LPCAT2: variants seen among roughly 807,000 people sequenced by gnomAD.
LPCAT2 encodes the protein 1-AGP acyltransferase 11.
LPCAT2 carries 58 observed loss-of-function variants against 64.7 expected under a neutral mutation model. That is an observed-to-expected ratio of 0.90 (90% CI 0.73 to 1.12). LPCAT2 has a LOEUF of 1.12. LPCAT2 is among the 50% of genes most tolerant of loss of function. The pLI, the probability that LPCAT2 is intolerant of heterozygous loss-of-function variation, is 0.00. For missense variants in LPCAT2, 579 were observed against 669.8 expected, an observed-to-expected ratio of 0.86 and a Z score of 1.50; for synonymous variants, 252 against 245.3, an observed-to-expected ratio of 1.03 and a Z score of -0.26.
chr16:55,537,733 G>C (rs1184650251), intron 8 of LPCAT2, 101 bp downstream of exon 8: 1 of 937,556 alleles, frequency 1.1e-6, no homozygotes, highest in Non-Finnish European at 1.7e-6. Flanking sequence ...CCATCACCAG[G>C]TGTTTTACAA....
At chr16:55,531,835 T>G (rs9930245) in intron 4 of LPCAT2, 79 bp from the exon 5 acceptor site, 57,395 of 899,022 alleles carry the variant, frequency 0.064, 2,602 homozygotes, top group African/African-American at 0.17. Flanking sequence ...GGCAGCTGTT[T>G]GTGAAGTCAT....
intron 1 of LPCAT2, among the ~76,000 whole-genome samples, chr16:55,513,164 C>G (rs1173394067): frequency 2.0e-5 from 3 of 152,106 alleles, no homozygotes; most frequent in African/African-American, 4.8e-5. Flanking sequence ...AAATGTAGGA[C>G]TTCGCAGAAA....
chr16:55,535,508 A>G (rs1260042419), intron 7 of LPCAT2, among the ~76,000 whole-genome samples: 1 of 152,200 alleles, frequency 6.6e-6, no homozygotes. Context: ...AAGATACACA[A>G]ATAACGCCAA....
At chr16:55,537,487 G>T in intron 7 of LPCAT2, 91 bp from the exon 8 acceptor site, 2 of 960,078 alleles carry the variant, frequency 2.1e-6, no homozygotes, top group East Asian at 2.5e-5. Flanking sequence ...TGTGATGTGA[G>T]GGTATTTGTG....
chr16:55,534,539 A>T, intron 7 of LPCAT2, 62 bp downstream of exon 7: 3 of 773,712 alleles, frequency 3.9e-6, no homozygotes, highest in Non-Finnish European at 6.2e-6. Context: ...AAAAAGAAAG[A>T]TCATTTATTC....
At chr16:55,516,136 A>G (rs1963007733) in intron 1 of LPCAT2, among the ~76,000 whole-genome samples, 1 of 152,126 alleles carries the variant, frequency 6.6e-6, no homozygotes, top group African/African-American at 2.4e-5. Context: ...GCAGGGTCTC[A>G]CTCTGTCGCC....
intron 11 of LPCAT2, among the ~76,000 whole-genome samples, chr16:55,573,584 G>T (rs1963793836): frequency 6.6e-6 from 1 of 151,990 alleles, no homozygotes; most frequent in Admixed American, 6.6e-5. Context: ...TAGCTTTGTT[G>T]TTACTAGTTC....
chr16:55,515,795 T>G (rs1452925055), intron 1 of LPCAT2, among the ~76,000 whole-genome samples: 1 of 152,196 alleles, frequency 6.6e-6, no homozygotes, highest in Non-Finnish European at 1.5e-5. Context: ...CAGAAAATTA[T>G]TATAAGTTAA....
At chr16:55,509,546 G>A (rs1962894659) in intron 1 of LPCAT2, among the ~76,000 whole-genome samples, 194 bp downstream of exon 1, 1 of 151,420 alleles carries the variant, frequency 6.6e-6, no homozygotes, top group South Asian at 2.1e-4. Flanking sequence ...TGAGGAGGGA[G>A]GTGGCCCGAG....
At chr16:55,510,836 T>C (rs1349656640) in intron 1 of LPCAT2, among the ~76,000 whole-genome samples, 1 of 152,228 alleles carries the variant, frequency 6.6e-6, no homozygotes, top group African/African-American at 2.4e-5. Flanking sequence ...TAAATCATAC[T>C]TAAATGAAAA....
At chr16:55,532,482 T>G (rs1963267020) in intron 5 of LPCAT2, 1 of 165,370 alleles carries the variant, frequency 6.0e-6, no homozygotes, top group Non-Finnish European at 1.3e-5. Context: ...GTAGCTTTTC[T>G]TCTTATTTTT....
intron 2 of LPCAT2, among the ~76,000 whole-genome samples, 179 bp from the exon 3 acceptor site, chr16:55,528,198 A>G (rs1238228050): frequency 6.6e-6 from 1 of 152,254 alleles, no homozygotes; most frequent in African/African-American, 2.4e-5. Flanking sequence ...AGCATTTAGA[A>G]TAGTGCCTAG....
chr16:55,539,285 A>G (rs1231100559), intron 8 of LPCAT2: 1 of 100,650 alleles, frequency 9.9e-6, no homozygotes, highest in Admixed American at 1.1e-4. Flanking sequence ...TAATTACGAT[A>G]TTTGCATTCT....
intron 13 of LPCAT2, among the ~76,000 whole-genome samples, chr16:55,582,115 A>G (rs1221589712): frequency 1.3e-5 from 2 of 152,208 alleles, no homozygotes; most frequent in East Asian, 3.8e-4. Context: ...GCTAGAAAGA[A>G]CAAAAATACA....
At chr16:55,561,122 G>T (rs772779679) in intron 11 of LPCAT2, among the ~76,000 whole-genome samples, 1 of 151,730 alleles carries the variant, frequency 6.6e-6, no homozygotes, top group Non-Finnish European at 1.5e-5. Context: ...ATGTTTTAAG[G>T]TTTATCTATC....
intron 11 of LPCAT2, among the ~76,000 whole-genome samples, chr16:55,565,153 A>G (rs1348678911): frequency 6.6e-6 from 1 of 151,940 alleles, no homozygotes; most frequent in South Asian, 2.1e-4. Context: ...ATGTTATACC[A>G]CTTTACAGCC....
intron 2 of LPCAT2, among the ~76,000 whole-genome samples, chr16:55,526,454 A>G (rs1484128505): frequency 6.6e-6 from 1 of 152,158 alleles, no homozygotes; most frequent in Non-Finnish European, 1.5e-5. Flanking sequence ...ATATTTTTGT[A>G]TTTAAATCTC....
chr16:55,521,239 G>T (rs1239006475), intron 1 of LPCAT2, among the ~76,000 whole-genome samples: 2 of 151,750 alleles, frequency 1.3e-5, no homozygotes, highest in Non-Finnish European at 3.0e-5. Context: ...AAGCATACAT[G>T]AAATGGACAA....
intron 11 of LPCAT2, among the ~76,000 whole-genome samples, chr16:55,556,680 G>T (rs958434439): frequency 2.0e-5 from 3 of 152,110 alleles, no homozygotes; most frequent in Non-Finnish European, 4.4e-5. Flanking sequence ...CCCAGGAGGC[G>T]GAGCTTGCAG....
Sources: gnomAD v4.1 joint callset for allele counts (sites outside exome capture counted in the v4.1 genomes callset) on GRCh38, gnomAD v4.1.1 for gene constraint, MANE v1.5 for transcripts, NCBI Gene and HGNC (gene_info 2026-07-23, HGNC 2026-07-21) for gene names.